Variants in KLF17 observed in about 807,000 individuals in gnomAD.
The protein encoded by KLF17 is KLF transcription factor 17.
Under a neutral mutation model 34.2 loss-of-function variants are expected in KLF17, and 31 were observed. That is an observed-to-expected ratio of 0.91 (90% CI 0.68 to 1.22). The LOEUF is 1.22. Among genes scored for constraint, KLF17 ranks in the 50% most tolerant of loss-of-function variants. KLF17 has a pLI of 0.00. For missense variants in KLF17, 478 were observed against 505.2 expected (o/e 0.95, Z 0.52); for synonymous variants, 179 against 186.7 (o/e 0.96, Z 0.34).
the KLF17 span, among the ~76,000 whole-genome samples, chr1:44,101,353 G>A: frequency 6.6e-6 from 1 of 152,110 alleles, no homozygotes; most frequent in Non-Finnish European, 1.5e-5. Context: ...ATTCATTATA[G>A]GCAAAGAAAA....
chr1:44,046,377 C>T, the KLF17 span, among the ~76,000 whole-genome samples: 6 of 151,956 alleles, frequency 3.9e-5, no homozygotes, highest in Non-Finnish European at 8.8e-5. Flanking sequence ...GCCACTACGC[C>T]TGGCTAATTT....
chr1:44,053,265 A>G, the KLF17 span, among the ~76,000 whole-genome samples: 1 of 152,134 alleles, frequency 6.6e-6, no homozygotes, highest in Non-Finnish European at 1.5e-5. Flanking sequence ...AGGAAGGAAA[A>G]TGGGAAGAAG....
the KLF17 span, among the ~76,000 whole-genome samples, chr1:44,092,091 C>T: frequency 3.4e-4 from 52 of 151,022 alleles, no homozygotes; most frequent in African/African-American, 1.2e-3. Flanking sequence ...ACCTATAATC[C>T]CAGCACTTTG....
At chr1:44,111,217 A>G in the KLF17 span, among the ~76,000 whole-genome samples, 3 of 151,392 alleles carry the variant, frequency 2.0e-5, no homozygotes, top group Non-Finnish European at 4.4e-5. Flanking sequence ...GCTGGTCTCA[A>G]ACTCCTGGGC....
At chr1:44,089,089 A>C in the KLF17 span, among the ~76,000 whole-genome samples, 1 of 152,142 alleles carries the variant, frequency 6.6e-6, no homozygotes, top group Non-Finnish European at 1.5e-5. Flanking sequence ...TAAATCTTCA[A>C]GAAGGAGGGA....
chr1:44,129,553 T>C lies in KLF17; in HGVS notation c.282T>C (p.Pro94=), dbSNP rs768116892. ...GGCCACAGTTCAGTATGCCACTGCC[T>C]GAGCGTGGTATGAGCTACTGCCCCC... is the stretch of plus-strand genomic sequence containing the variant. The part of the protein sequence containing the change: ...EGGPQFSMPL[P]ERGMSYCPQA... The change falls in exon 2 of 4, where the codon CCT becomes CCC. Residue 94 remains proline, a synonymous_variant. Coordinates refer to ENST00000372299, the MANE Select transcript of KLF17 (RefSeq NM_173484.4). 1 of 1,613,814 alleles carries C rather than the reference T, an allele frequency of 6.2e-7. No homozygotes were observed.
chr1:44,091,127 A>G, the KLF17 span, among the ~76,000 whole-genome samples: 1 of 152,230 alleles, frequency 6.6e-6, no homozygotes, highest in Non-Finnish European at 1.5e-5. Flanking sequence ...TTTAAAAAGT[A>G]TTTTAGGAAT....
chr1:44,049,521 C>T, the KLF17 span, among the ~76,000 whole-genome samples: 1 of 152,368 alleles, frequency 6.6e-6, no homozygotes. Context: ...CTCACTCTGT[C>T]ACCCAGGCTG....
At chr1:44,118,789 C>A (rs553349860), upstream of KLF17, 15 of 770,708 alleles carry the variant, frequency 1.9e-5, no homozygotes, top group East Asian at 4.2e-4. Context: ...CTTGGCGCAG[C>A]TGTAAATAGG....
chr1:44,133,152 GA>G (rs1385684590), intron 3 of KLF17, 85 bp from the exon 4 acceptor site: 6 of 152,344 alleles, frequency 3.9e-5, no homozygotes, highest in African/African-American at 1.4e-4. Context: ...GGAAGGGTCA[GA>G]AAGGCTCTCT....
chr1:44,084,679 CAAAA>C, the KLF17 span, among the ~76,000 whole-genome samples: 2 of 129,106 alleles, frequency 1.5e-5, no homozygotes. Context: ...GATCTTGTCT[CAAAA>C]AAAAAAAAAA....
the KLF17 span, among the ~76,000 whole-genome samples, chr1:44,084,899 C>A: frequency 6.1e-5 from 9 of 147,406 alleles, no homozygotes; most frequent in African/African-American, 2.3e-4. Context: ...CATAGTGAGA[C>A]CCTGTCCCTA....
the KLF17 span, among the ~76,000 whole-genome samples, chr1:44,111,211 G>A: frequency 6.6e-6 from 1 of 151,514 alleles, no homozygotes; most frequent in Admixed American, 6.6e-5. Context: ...GCCCAGGCTG[G>A]TCTCAAACTC....
the KLF17 span, among the ~76,000 whole-genome samples, chr1:44,106,047 AAAGC>A: frequency 6.6e-6 from 1 of 152,018 alleles, no homozygotes; most frequent in South Asian, 2.1e-4. Flanking sequence ...GAAAGAGGGA[AAAGC>A]AAGCAAGCAA....
rs2087913303 is a variant in KLF17, at chr1:44,118,990, TGA to T, written c.81+4_81+5del. ...CAGGCGGCGCACCAGGCTGCCCAGG[TGA>T]GTCAGGTGCCAGCCCCTGGCAGGCC... On this transcript the variant is annotated splice_donor_region_variant and intron_variant, in intron 1 of 3. Coordinates refer to ENST00000372299, the MANE Select transcript of KLF17 (RefSeq NM_173484.4). 6.2e-7 allele frequency: 1 copy of T among 1,600,404 alleles called. No homozygotes were observed. The highest frequency in any genetic ancestry group is 1.4e-5 in the African/African-American group (1 of 73,948).
chr1:44,059,167 C>T, the KLF17 span, among the ~76,000 whole-genome samples: 2 of 152,158 alleles, frequency 1.3e-5, no homozygotes, highest in Non-Finnish European at 2.9e-5. Context: ...TTTGGAGGAC[C>T]TCTGCTGCCT....
At chr1:44,065,693 GC>G in the KLF17 span, among the ~76,000 whole-genome samples, 1,168 of 152,202 alleles carry the variant, frequency 7.7e-3, 16 homozygotes, top group African/African-American at 0.027. Flanking sequence ...ACAGGCATGA[GC>G]CACTGCTCCC....
the KLF17 span, among the ~76,000 whole-genome samples, chr1:44,046,679 TA>T: frequency 6.6e-6 from 1 of 152,192 alleles, no homozygotes; most frequent in Non-Finnish European, 1.5e-5. Context: ...TCCATGTGGC[TA>T]GTAAATAGCA....
chr1:44,130,769 T>C lies in KLF17; in HGVS notation c.*13T>C. The stretch of plus-strand genomic sequence containing the variant: ...TGCTGGTCCTTAGGTCAGTCTCCTC[T>C]CCTCATTCTGGGTTTTCTTTTTCCT... On this transcript the variant is annotated intron_variant, in intron 3 of 3. Coordinates refer to ENST00000372299, the MANE Select transcript of KLF17 (RefSeq NM_173484.4). 6.2e-7 allele frequency: 1 copy of C among 1,612,142 alleles called. No homozygotes were observed. The highest frequency in any genetic ancestry group is 8.5e-7 in the Non-Finnish European group (1 of 1,178,708).
Sources: allele counts gnomAD v4.1 joint callset (sites outside exome capture counted in the v4.1 genomes callset), GRCh38; gene constraint gnomAD v4.1.1; transcripts MANE v1.5; gene names NCBI Gene and HGNC (gene_info 2026-07-23, HGNC 2026-07-21).